The following UGT1A8 variants were observed in gnomAD, a reference collection of about 807,000 sequenced individuals.
UGT1A8 encodes UDP glucuronosyltransferase family 1 member A8.
A neutral mutation model predicts 45.3 loss-of-function variants in UGT1A8; 39 were observed. The ratio of observed to expected loss-of-function variants is 0.86; its 90% CI spans 0.67 to 1.12. The LOEUF is 1.12. Ranked by LOEUF, UGT1A8 falls within the 50% of genes most tolerant of loss-of-function variation. The pLI is 0.00. For synonymous variants in UGT1A8, 275 were observed against 249.2 expected (o/e 1.10, Z -0.97); for missense variants, 719 against 664.9 (o/e 1.08, Z -0.90).
intron 1 of UGT1A8, among the ~76,000 whole-genome samples, chr2:233,728,342 G>T (rs1241528398): frequency 6.6e-6 from 1 of 152,290 alleles, no homozygotes; most frequent in African/African-American, 2.4e-5. Context: ...CCAGTCCCTT[G>T]GTGAGCAGGA....
At chr2:233,760,125 C>T in intron 1 of UGT1A8, 1 of 1,316,530 alleles carries the variant, frequency 7.6e-7, no homozygotes, top group Admixed American at 2.6e-5. Context: ...TAAAGCTCCA[C>T]CTTCTTTATC....
At chr2:233,739,868 G>A (rs1691228804) in intron 1 of UGT1A8, among the ~76,000 whole-genome samples, 1 of 151,904 alleles carries the variant, frequency 6.6e-6, no homozygotes. Context: ...AGAATGATAT[G>A]ATTTGACTGT....
intron 1 of UGT1A8, among the ~76,000 whole-genome samples, chr2:233,701,608 A>G (rs2075638056): frequency 6.6e-6 from 1 of 152,234 alleles, no homozygotes; most frequent in African/African-American, 2.4e-5. Context: ...AGCACTCCTC[A>G]GCAAACGTAA....
intron 1 of UGT1A8, among the ~76,000 whole-genome samples, chr2:233,746,480 C>A (rs1693404181): frequency 1.3e-5 from 2 of 151,692 alleles, no homozygotes; most frequent in Admixed American, 6.5e-5. Context: ...AAACACTTTC[C>A]ATGGACATGT....
intron 1 of UGT1A8, among the ~76,000 whole-genome samples, chr2:233,650,269 C>G (rs930296623): frequency 4.6e-5 from 7 of 152,176 alleles, no homozygotes; most frequent in Non-Finnish European, 1.0e-4. Context: ...CGTACCTGGC[C>G]AAGGTCTGGA....
chr2:233,734,491 GT>G (rs528831440), intron 1 of UGT1A8, among the ~76,000 whole-genome samples: 1 of 151,904 alleles, frequency 6.6e-6, no homozygotes, highest in Non-Finnish European at 1.5e-5. Context: ...TTTTTTGAAG[GT>G]TTTTTTGTGT....
intron 1 of UGT1A8, among the ~76,000 whole-genome samples, chr2:233,630,064 A>C (rs2073159851): frequency 6.6e-6 from 1 of 151,928 alleles, no homozygotes; most frequent in Non-Finnish European, 1.5e-5. Context: ...AATTGATCTC[A>C]ACAAATCAGC....
At chr2:233,748,154 C>T (rs1428123835) in intron 1 of UGT1A8, 2 of 1,600,806 alleles carry the variant, frequency 1.2e-6, no homozygotes, top group Non-Finnish European at 1.7e-6. Flanking sequence ...CTTACAATTG[C>T]TTCCATATCT....
chr2:233,639,612 A>G (rs1324408153), intron 1 of UGT1A8, among the ~76,000 whole-genome samples: 2 of 152,192 alleles, frequency 1.3e-5, no homozygotes, highest in Admixed American at 6.5e-5. Context: ...GTGTTTGTGT[A>G]TGTGCAGGTG....
At chr2:233,718,630 C>G (rs2076669479) in intron 1 of UGT1A8, 1 of 1,443,994 alleles carries the variant, frequency 6.9e-7, no homozygotes, top group Non-Finnish European at 9.3e-7. Flanking sequence ...ATTGGTCTTT[C>G]CCAGGGTTGG....
intron 1 of UGT1A8, among the ~76,000 whole-genome samples, chr2:233,731,819 C>T (rs1478115630): frequency 1.3e-5 from 2 of 152,132 alleles, no homozygotes; most frequent in Non-Finnish European, 2.9e-5. Context: ...ATGGCTGTGT[C>T]AAATGGTATT....
At chr2:233,637,895 T>C (rs917739963) in intron 1 of UGT1A8, among the ~76,000 whole-genome samples, 1 of 152,178 alleles carries the variant, frequency 6.6e-6, no homozygotes, top group African/African-American at 2.4e-5. Context: ...ACAGACAGAT[T>C]TGACAAGTTC....
Position 233,690,372 on chromosome 2 carries a change from A to G in UGT1A8, c.855+71810A>G, listed in dbSNP as rs972097637. ...GCACCTTAGAAGCAAACCTCTCCAT[A>G]GGGTCCACGTTTCCAGACCTTCCTA... On this transcript the variant is annotated intron_variant, in intron 1 of 4. Transcript: ENST00000373450. 3.4e-6 allele frequency: 3 copies of G among 873,396 alleles called. No homozygotes were observed. In the Admixed American group the frequency reaches 8.6e-5, roughly 25 times the overall value. The allele number at this position is 873,396 out of a possible 1,614,324, so 54.1% of individuals were successfully genotyped here.
In UGT1A8 at chr2:233,693,556, A is replaced by C. The variant is rs1105879; in HGVS notation, c.856-73478A>C. The C allele has an allele frequency of 0.35, 557,689 of 1,613,924 alleles. 98,561 individuals carry two copies. The highest frequency in any genetic ancestry group is 0.44 in the South Asian group (40,333 of 91,082). ...GTTCCCTGGAGCATACATTCAGCAG[A>C]AGCCCAGACCCTGTGTCCTACATTC... On this transcript the variant is annotated intron_variant, in intron 1 of 4. Coordinates refer to ENST00000373450, the MANE Select transcript of UGT1A8 (RefSeq NM_019076.5).
intron 1 of UGT1A8, among the ~76,000 whole-genome samples, chr2:233,690,306 T>C (rs2074984284): frequency 6.6e-6 from 1 of 152,220 alleles, no homozygotes. Context: ...CTGGCTCCAT[T>C]ACTTATGGGT....
At chr2:233,743,449 G>A in intron 1 of UGT1A8, 2 of 1,365,064 alleles carry the variant, frequency 1.5e-6, no homozygotes, top group African/African-American at 3.0e-5. Context: ...TGTATCAAAA[G>A]AAGAAAAAAC....
intron 1 of UGT1A8, among the ~76,000 whole-genome samples, chr2:233,674,389 C>T (rs904545171): frequency 6.6e-6 from 1 of 152,126 alleles, no homozygotes; most frequent in Non-Finnish European, 1.5e-5. Context: ...CTTTACCCTC[C>T]ATAAATTATA....
chr2:233,736,824 CTT>C (rs2078816334), intron 1 of UGT1A8, among the ~76,000 whole-genome samples: 1 of 152,316 alleles, frequency 6.6e-6, no homozygotes, highest in South Asian at 2.1e-4. Context: ...TCCAGATGCT[CTT>C]TGCTTTGGTA....
chr2:233,690,820 G>A, intron 1 of UGT1A8: 1 of 1,067,652 alleles, frequency 9.4e-7, no homozygotes, highest in Non-Finnish European at 1.1e-6. Context: ...TACAGTCAAA[G>A]CTCACAGGAG....
Sources: gnomAD v4.1 joint callset for allele counts (sites outside exome capture counted in the v4.1 genomes callset) on GRCh38, gnomAD v4.1.1 for gene constraint, MANE v1.5 for transcripts, NCBI Gene and HGNC (gene_info 2026-07-23, HGNC 2026-07-21) for gene names.